The following LPIN2 variants were observed in gnomAD, a reference collection of about 807,000 sequenced individuals.
LPIN2 encodes lipin 2.
LPIN2 carries 55 observed loss-of-function variants against 111.4 expected under a neutral mutation model. The observed-to-expected ratio is 0.49, with a 90% CI of 0.40 to 0.62. The LOEUF is 0.62. LPIN2 is among the 20% of genes least tolerant of loss of function. LPIN2 has a pLI of 0.00. For synonymous variants in LPIN2, 425 were observed against 414.0 expected (o/e 1.03, Z -0.32); for missense variants, 992 against 1,112.1 (o/e 0.89, Z 1.54).
intron 1 of LPIN2, among the ~76,000 whole-genome samples, chr18:2,963,896 C>T (rs1032947298): frequency 2.0e-5 from 3 of 146,362 alleles, no homozygotes; most frequent in African/African-American, 7.6e-5. Flanking sequence ...CTGGAAACAA[C>T]TCTTTTTTTG....
intron 1 of LPIN2, among the ~76,000 whole-genome samples, chr18:3,001,022 T>A (rs1007023049): frequency 2.0e-5 from 3 of 151,844 alleles, no homozygotes; most frequent in Non-Finnish European, 4.4e-5. Context: ...TTGAGACTTC[T>A]CAAAAAAAGG....
chr18:2,923,667 A>T, intron 16 of LPIN2, 108 bp downstream of exon 16: 1 of 956,678 alleles, frequency 1.0e-6, no homozygotes, highest in Non-Finnish European at 1.7e-6. Flanking sequence ...GGAATGCTTC[A>T]GCATAAACAC....
chr18:2,976,331 T>C (rs1031792310), intron 1 of LPIN2, among the ~76,000 whole-genome samples: 4 of 152,164 alleles, frequency 2.6e-5, no homozygotes, highest in Admixed American at 1.3e-4. Context: ...GTAGCTAAGG[T>C]GGCAGCTACT....
chr18:2,958,141 C>CAAAAAAAAA lies in LPIN2; in HGVS notation c.192+2499_192+2507dup, dbSNP rs1224779773. 5.8e-3 allele frequency among the ~76,000 whole-genome samples: 69 copies of CAAAAAAAAA among 11,926 alleles called. 10 individuals carry two copies. Among genetic ancestry groups the CAAAAAAAAA allele is most frequent in the South Asian group, 0.016 (5 of 306 alleles). 7.8% of individuals were successfully genotyped at this position (11,926 alleles called of 152,430 possible). A position where few individuals can be genotyped will look rare whatever the true frequency, so the allele number is the denominator to read the frequency against. On this transcript the variant is annotated intron_variant, in intron 2 of 19. Coordinates refer to ENST00000677752, the MANE Select transcript of LPIN2 (RefSeq NM_001375808.2). ...TGGGCGACAAAGCGAGACTCCATCT[C>CAAAAAAAAA]AAAAAAAAAAAAAAAACAACAAAAA... is the stretch of plus-strand genomic sequence containing the variant.
chr18:2,962,666 C>A (rs1598574074), intron 1 of LPIN2, among the ~76,000 whole-genome samples: 1 of 152,174 alleles, frequency 6.6e-6, no homozygotes. Context: ...ACAGCTAGAT[C>A]TCATGCATCC....
chr18:2,982,731 A>C (rs2078131162), intron 1 of LPIN2: 2 of 1,303,458 alleles, frequency 1.5e-6, no homozygotes, highest in African/African-American at 3.0e-5. Flanking sequence ...AGCCTTTACA[A>C]ACCACCTCAT....
At chr18:2,978,820 C>G (rs932418974) in intron 1 of LPIN2, among the ~76,000 whole-genome samples, 2 of 152,196 alleles carry the variant, frequency 1.3e-5, no homozygotes, top group African/African-American at 4.8e-5. Context: ...GGGCTCACTT[C>G]TCACCCCCGG....
At chr18:2,978,708 C>T (rs2078059263) in intron 1 of LPIN2, among the ~76,000 whole-genome samples, 3 of 152,198 alleles carry the variant, frequency 2.0e-5, no homozygotes, top group Admixed American at 2.0e-4. Context: ...CCACTACTGC[C>T]TTCAATTCTG....
chr18:3,004,752 T>C (rs977229060), intron 1 of LPIN2, among the ~76,000 whole-genome samples: 3 of 152,176 alleles, frequency 2.0e-5, no homozygotes, highest in Non-Finnish European at 2.9e-5. Context: ...GAGAGCAATA[T>C]TTAGGTTGTT....
chr18:2,994,514 A>G (rs2078311854), intron 1 of LPIN2, among the ~76,000 whole-genome samples: 1 of 152,206 alleles, frequency 6.6e-6, no homozygotes, highest in African/African-American at 2.4e-5. Context: ...ATAGTTGGGG[A>G]GGACATATAA....
intron 1 of LPIN2, among the ~76,000 whole-genome samples, chr18:2,992,970 G>A (rs1471238117): frequency 8.5e-5 from 9 of 106,254 alleles, no homozygotes; most frequent in South Asian, 6.3e-4. Flanking sequence ...AGTGAGACCC[G>A]TCTCAAAAAA....
chr18:2,923,758 G>A lies in LPIN2; in HGVS notation c.2174+17C>T, dbSNP rs765921888. On this transcript the variant is annotated intron_variant, in intron 16 of 19. Coordinates refer to ENST00000677752, the MANE Select transcript of LPIN2 (RefSeq NM_001375808.2). ...TTCCAGCTCACCAGAGCGAGTTAAC[G>A]TGGGGAGGGTACCTACTCATTGATG... 30 of 1,605,342 alleles carry A rather than the reference G, an allele frequency of 1.9e-5. No homozygotes were observed. The highest frequency in any genetic ancestry group is 8.9e-5 in the East Asian group (4 of 44,842).
At position 2,921,524 on chromosome 18, in the gene LPIN2, G is replaced by T; in HGVS notation, c.2442+9C>A. ...CCACATCAGAACCCAGAGCCCAGGA[G>T]ATACTCACATTTGGACGGTTTCCAA... On this transcript the variant is annotated intron_variant, in intron 18 of 19. Transcript: ENST00000677752. 1.3e-6 allele frequency: 2 copies of T among 1,597,686 alleles called. No homozygotes were observed. The highest frequency in any genetic ancestry group is 1.7e-4 in the Middle Eastern group (1 of 6,020).
chr18:3,011,116 T>C (rs1037643715), intron 1 of LPIN2, among the ~76,000 whole-genome samples: 7 of 152,142 alleles, frequency 4.6e-5, no homozygotes, highest in Non-Finnish European at 1.0e-4. Flanking sequence ...CTGGGTCCAG[T>C]CCTTAAAACC....
intron 4 of LPIN2, among the ~76,000 whole-genome samples, chr18:2,948,805 T>C (rs371423890): frequency 2.0e-5 from 3 of 151,848 alleles, no homozygotes; most frequent in Non-Finnish European, 2.9e-5. Context: ...TTAAAGGAAA[T>C]TGTTTATAAT....
intron 1 of LPIN2, among the ~76,000 whole-genome samples, chr18:2,969,870 T>C (rs1300835358): frequency 6.6e-6 from 1 of 152,212 alleles, no homozygotes; most frequent in Admixed American, 6.5e-5. Flanking sequence ...AAGTTTGTTA[T>C]GAAGACTAAG....
At chr18:2,974,539 C>A (rs574164479) in intron 1 of LPIN2, among the ~76,000 whole-genome samples, 6 of 152,278 alleles carry the variant, frequency 3.9e-5, no homozygotes, top group African/African-American at 1.4e-4. Context: ...GGTGAAAATT[C>A]AAATTCATTT....
At chr18:2,996,122 TGAG>T (rs1461454740) in intron 1 of LPIN2, among the ~76,000 whole-genome samples, 1 of 152,066 alleles carries the variant, frequency 6.6e-6, no homozygotes, top group East Asian at 1.9e-4. Context: ...GGGCGGATCA[TGAG>T]GTCAGGAGAT....
In LPIN2 at chr18:2,919,202, G is replaced by GA. The variant is rs2077012768; in HGVS notation, c.*1090dup. 1.3e-5 allele frequency: 2 copies of GA among 152,302 alleles called. No homozygotes were observed. The highest frequency in any genetic ancestry group is 2.9e-5 in the Non-Finnish European group (2 of 68,052). The allele number at this position is 152,302 out of a possible 1,614,324, so 9.4% of individuals were successfully genotyped here. A position where few individuals can be genotyped will look rare whatever the true frequency, so the allele number is the denominator to read the frequency against. On this transcript the variant is annotated 3_prime_UTR_variant, in exon 20 of 20. Coordinates refer to ENST00000677752, the MANE Select transcript of LPIN2 (RefSeq NM_001375808.2). ...TGGGGTCTCACAGGGCTAGGCTGGG[G>GA]ACACTGCTCGGGGGGCAGTCTGCTC...
Sources: gnomAD v4.1 joint callset for allele counts (sites outside exome capture counted in the v4.1 genomes callset) on GRCh38, gnomAD v4.1.1 for gene constraint, MANE v1.5 for transcripts, NCBI Gene and HGNC (gene_info 2026-07-23, HGNC 2026-07-21) for gene names.